The following ITGAE variants were observed in gnomAD, a reference collection of about 807,000 sequenced individuals.
ITGAE encodes the protein integrin alpha-E.
In ITGAE, 99 loss-of-function variants were observed where a neutral mutation model predicts 136.5. That is an observed-to-expected ratio of 0.73 (90% CI 0.62 to 0.86). The LOEUF (loss-of-function observed/expected upper bound fraction) is 0.86, where lower values mean the gene tolerates loss of function less well. ITGAE is among the 40% of genes least tolerant of loss of function. The probability of loss-of-function intolerance (pLI) is 0.00; values close to 1 mark genes in which losing one functional copy is unlikely to be tolerated. For synonymous variants in ITGAE, 613 were observed against 591.8 expected (o/e 1.04, Z -0.52); for missense variants, 1,447 against 1,515.3 (o/e 0.95, Z 0.75).
intron 1 of ITGAE, among the ~76,000 whole-genome samples, chr17:3,782,144 G>A (rs1260019429): frequency 4.0e-5 from 6 of 151,240 alleles, no homozygotes; most frequent in East Asian, 2.0e-4. Flanking sequence ...GCATGGTGGC[G>A]GGTGCCTATA....
chr17:3,728,185 A>G lies in ITGAE; in HGVS notation c.2913-17T>C. 1.9e-6 allele frequency: 3 copies of G among 1,600,338 alleles called. No individual in the cohort carries two copies. Among genetic ancestry groups the G allele is most frequent in the Admixed American group, 1.7e-5 (1 of 60,002 alleles). ...ATGGATGGTCTGCAATTGACAGGAC[A>G]TGCGTCAGCCCTTGAGGAGTCTTTC... On this transcript the variant is annotated splice_polypyrimidine_tract_variant and intron_variant, in intron 24 of 30. Transcript: ENST00000263087.
chr17:3,777,022 G>T (rs1348730933), intron 2 of ITGAE, among the ~76,000 whole-genome samples: 2 of 149,600 alleles, frequency 1.3e-5, no homozygotes, highest in African/African-American at 4.9e-5. Context: ...GTGCAGTGGC[G>T]CCATCTCGGT....
intron 2 of ITGAE, among the ~76,000 whole-genome samples, chr17:3,775,766 G>A (rs749533509): frequency 3.9e-5 from 6 of 151,934 alleles, no homozygotes; most frequent in Non-Finnish European, 8.8e-5. Context: ...CACTGCGCCC[G>A]GCACACAAAC....
chr17:3,767,647 A>G (rs1487410460), intron 2 of ITGAE, among the ~76,000 whole-genome samples: 1 of 151,928 alleles, frequency 6.6e-6, no homozygotes, highest in African/African-American at 2.4e-5. Context: ...TTTTTTAGGT[A>G]GTGTCTTGCT....
chr17:3,775,250 C>T (rs1377205678), intron 2 of ITGAE, among the ~76,000 whole-genome samples: 1 of 152,048 alleles, frequency 6.6e-6, no homozygotes, highest in Admixed American at 6.6e-5. Context: ...CACCTGCCAA[C>T]CTTTGTATAT....
chr17:3,752,646 C>T (rs2051899569), intron 14 of ITGAE, among the ~76,000 whole-genome samples: 1 of 151,698 alleles, frequency 6.6e-6, no homozygotes, highest in African/African-American at 2.4e-5. Context: ...ATCCCAGCTA[C>T]TTGGGAGGCT....
intron 6 of ITGAE, among the ~76,000 whole-genome samples, chr17:3,760,621 G>C (rs1352263748): frequency 6.6e-6 from 1 of 151,526 alleles, no homozygotes; most frequent in East Asian, 1.9e-4. Flanking sequence ...GAATTTTCTA[G>C]TAGAGTTGGG....
intron 3 of ITGAE, 72 bp downstream of exon 3, chr17:3,763,797 G>A: frequency 8.2e-7 from 1 of 1,217,794 alleles, no homozygotes; most frequent in South Asian, 1.2e-5. Flanking sequence ...GGAATGGTTT[G>A]AGTTTAGATG....
intron 12 of ITGAE, chr17:3,754,749 T>C (rs2051959471): frequency 6.5e-6 from 2 of 308,572 alleles, no homozygotes; most frequent in African/African-American, 4.7e-5. Flanking sequence ...ATGCGCAGCC[T>C]CGGTGTCCCC....
intron 26 of ITGAE, chr17:3,724,477 C>A: frequency 6.2e-7 from 1 of 1,613,956 alleles, no homozygotes; most frequent in Non-Finnish European, 8.5e-7. Context: ...GGGTCCCCAA[C>A]GCCAAGGGAC....
In ITGAE at chr17:3,751,994, C is replaced by T. The variant is rs541833220; in HGVS notation, c.1669-120G>A. On this transcript the variant is annotated intron_variant, in intron 14 of 30. Transcript: ENST00000263087. Reference sequence around the variant, plus strand: ...CCACTCCATTGCCACCCAGGATGCACGCTCGCTGGGCCGGTGGGTTCCCAC... The same window carrying T: ...CCACTCCATTGCCACCCAGGATGCATGCTCGCTGGGCCGGTGGGTTCCCAC... 2,597 of 837,906 alleles carry T rather than the reference C, an allele frequency of 3.1e-3. 12 individuals are homozygous for T. The highest frequency in any genetic ancestry group is 5.3e-3 in the South Asian group (328 of 62,168). The allele number at this position is 837,906 out of a possible 1,614,324, so 51.9% of individuals were successfully genotyped here. A position where few individuals can be genotyped will look rare whatever the true frequency, so the allele number is the denominator to read the frequency against.
chr17:3,733,701 A>G (rs220469), intron 21 of ITGAE, among the ~76,000 whole-genome samples: 10 of 152,192 alleles, frequency 6.6e-5, no homozygotes, highest in Admixed American at 2.0e-4. Context: ...GATTACAGGC[A>G]TGGGCCACTG....
At chr17:3,795,944 C>CAT (rs1567565118) in intron 1 of ITGAE, among the ~76,000 whole-genome samples, 1 of 107,034 alleles carries the variant, frequency 9.3e-6, no homozygotes, top group Non-Finnish European at 1.8e-5. Flanking sequence ...TGTGTGCATC[C>CAT]GTGTGTGCAT....
At chr17:3,728,326 G>C (rs12943844) in intron 24 of ITGAE, 158 bp from the exon 25 acceptor site, 394,894 of 623,794 alleles carry the variant, frequency 0.63, 128,397 homozygotes, top group Middle Eastern at 0.76. Flanking sequence ...CCTCAGCCTG[G>C]GAAAGTGTTG....
intron 1 of ITGAE, among the ~76,000 whole-genome samples, chr17:3,793,337 C>A (rs112719314): frequency 0.036 from 5,468 of 151,966 alleles, 134 homozygotes; most frequent in Middle Eastern, 0.052. Context: ...AGGTGTGAGC[C>A]ATCATGCCCG....
In ITGAE at chr17:3,763,433, TGAGGTGTGATGACTTGCATCAG is replaced by T. The variant is rs1456518273; in HGVS notation, c.247+414_247+435del. On this transcript the variant is annotated intron_variant, in intron 3 of 30. Transcript: ENST00000263087. The stretch of plus-strand genomic sequence containing the variant: ...TGAATATGTAGGGGGTGAATTGCAC[TGAGGTGTGATGACTTGCATCAG>T]GAAGGGCTAGAGTTTCGAATCAGCC... 4.6e-5 allele frequency among the ~76,000 whole-genome samples: 7 copies of T among 152,126 alleles called. No homozygotes were observed. The East Asian group carries it at 1.3e-3, about 29-fold the overall frequency.
At chr17:3,800,669 TCTCTGGTCAACA>T (rs2053233946) in intron 1 of ITGAE, among the ~76,000 whole-genome samples, 1 of 152,056 alleles carries the variant, frequency 6.6e-6, no homozygotes. Context: ...TTGCCCCCAG[TCTCTGGTCAACA>T]CTCTCTCACA....
intron 8 of ITGAE, among the ~76,000 whole-genome samples, chr17:3,758,213 A>G (rs1016241107): frequency 1.3e-5 from 2 of 152,198 alleles, no homozygotes; most frequent in Non-Finnish European, 2.9e-5. Context: ...TAAGCCATCC[A>G]ACCATCACAA....
chr17:3,723,862 C>G, intron 26 of ITGAE, 118 bp from the exon 27 acceptor site: 1 of 1,519,580 alleles, frequency 6.6e-7, no homozygotes, highest in Non-Finnish European at 8.8e-7. Flanking sequence ...TAGGACCCCG[C>G]GGCAGGCGGG....
Sources: allele counts gnomAD v4.1 joint callset (sites outside exome capture counted in the v4.1 genomes callset), GRCh38; gene constraint gnomAD v4.1.1; transcripts MANE v1.5; gene names NCBI Gene and HGNC (gene_info 2026-07-23, HGNC 2026-07-21).